The following GRID2 variants were observed in gnomAD, a reference collection of about 807,000 sequenced individuals.
GRID2 encodes the protein glutamate receptor ionotropic, delta-2.
In GRID2, 33 loss-of-function variants were observed where a neutral mutation model predicts 114.8. That is an observed-to-expected ratio of 0.29 (90% CI 0.22 to 0.38). The LOEUF (loss-of-function observed/expected upper bound fraction) is 0.38, where lower values mean the gene tolerates loss of function less well. Ranked by LOEUF, GRID2 falls within the 10% of genes least tolerant of loss-of-function variation. The pLI, the probability that GRID2 is intolerant of heterozygous loss-of-function variation, is 1.00. For synonymous variants in GRID2, 505 were observed against 449.9 expected, an observed-to-expected ratio of 1.12 and a Z score of -1.55; for missense variants, 1,184 against 1,257.7, an observed-to-expected ratio of 0.94 and a Z score of 0.89.
intron 2 of GRID2, chr4:92,821,923 G>A (rs1741311817): frequency 1.9e-5 from 3 of 159,290 alleles, no homozygotes. Context: ...ATTAAAGTAG[G>A]AAGATTTTTT....
At chr4:92,577,796 A>C (rs1271371475) in intron 1 of GRID2, among the ~76,000 whole-genome samples, 3 of 152,164 alleles carry the variant, frequency 2.0e-5, no homozygotes, top group African/African-American at 7.2e-5. Context: ...AGAGTGGAGA[A>C]CAATTAGCAT....
chr4:93,364,436 T>C (rs899202594), intron 8 of GRID2, among the ~76,000 whole-genome samples: 4 of 152,132 alleles, frequency 2.6e-5, no homozygotes, highest in Non-Finnish European at 5.9e-5. Context: ...TCTATTTTCA[T>C]TGACCTATTA....
intron 8 of GRID2, among the ~76,000 whole-genome samples, chr4:93,247,424 A>T (rs970247498): frequency 6.6e-6 from 1 of 152,146 alleles, no homozygotes; most frequent in Non-Finnish European, 1.5e-5. Context: ...ACAAAAAGGC[A>T]GAGAAAGGGT....
At chr4:93,072,783 C>A (rs1728924704) in intron 2 of GRID2, among the ~76,000 whole-genome samples, 1 of 152,048 alleles carries the variant, frequency 6.6e-6, no homozygotes, top group Non-Finnish European at 1.5e-5. Context: ...AGATACTAGT[C>A]TATCATTTAC....
intron 8 of GRID2, among the ~76,000 whole-genome samples, chr4:93,256,973 A>C (rs554607268): frequency 6.6e-6 from 1 of 151,928 alleles, no homozygotes; most frequent in East Asian, 1.9e-4. Flanking sequence ...GTATAGTTTT[A>C]TTAAAGCATC....
intron 8 of GRID2, among the ~76,000 whole-genome samples, chr4:93,382,515 G>A (rs1338983628): frequency 6.6e-6 from 1 of 151,728 alleles, no homozygotes; most frequent in Non-Finnish European, 1.5e-5. Flanking sequence ...ATCTACCTTT[G>A]AAAATCTCTG....
At chr4:93,325,738 A>C (rs1406050891) in intron 8 of GRID2, among the ~76,000 whole-genome samples, 2 of 152,064 alleles carry the variant, frequency 1.3e-5, no homozygotes, top group Non-Finnish European at 2.9e-5. Flanking sequence ...TGTGCTTACT[A>C]TATGATCTTA....
At chr4:93,416,425 C>G (rs529567510) in intron 9 of GRID2, among the ~76,000 whole-genome samples, 2 of 151,996 alleles carry the variant, frequency 1.3e-5, no homozygotes, top group Non-Finnish European at 2.9e-5. Context: ...TTTAAACAAG[C>G]CATTAAGAAA....
At chr4:93,239,938 T>A (rs998401964) in intron 8 of GRID2, among the ~76,000 whole-genome samples, 3 of 151,706 alleles carry the variant, frequency 2.0e-5, no homozygotes, top group African/African-American at 7.2e-5. Flanking sequence ...CTTCTTGTGT[T>A]CAACAGTGTG....
intron 2 of GRID2, among the ~76,000 whole-genome samples, chr4:92,742,490 C>T (rs1157240737): frequency 6.6e-6 from 1 of 151,980 alleles, no homozygotes; most frequent in Non-Finnish European, 1.5e-5. Context: ...TTCTCTTAAT[C>T]TCTATGCATT....
intron 13 of GRID2, among the ~76,000 whole-genome samples, chr4:93,610,989 A>G (rs1740826514): frequency 7.5e-6 from 1 of 132,932 alleles, no homozygotes; most frequent in Admixed American, 7.3e-5. Flanking sequence ...CCACAATTTC[A>G]GAGCCTGTTA....
chr4:93,213,815 C>T lies in GRID2; in HGVS notation c.790-2923C>T, dbSNP rs946229157. ...ATTTTAGCATTCCTTTTTTCTTCCTCGGGGCTTTCACAGTTCAGGATTCAA... is the reference window on the plus strand; with the variant it reads ...ATTTTAGCATTCCTTTTTTCTTCCTTGGGGCTTTCACAGTTCAGGATTCAA... On this transcript the variant is annotated intron_variant, in intron 5 of 15. Coordinates refer to ENST00000282020, the MANE Select transcript of GRID2 (RefSeq NM_001510.4). Among the ~76,000 whole-genome samples the T allele has an allele frequency of 3.3e-5, 5 of 151,824 alleles. 1 individual carries two copies. The highest frequency in any genetic ancestry group is 4.1e-4 in the South Asian group (2 of 4,826).
chr4:92,531,108 T>TA (rs544339478), intron 1 of GRID2, among the ~76,000 whole-genome samples: 1 of 151,914 alleles, frequency 6.6e-6, no homozygotes, highest in African/African-American at 2.4e-5. Flanking sequence ...AAAAATAAAA[T>TA]AAAAAAACTT....
chr4:93,757,219 A>T (rs1417027610), intron 14 of GRID2, among the ~76,000 whole-genome samples: 1 of 152,210 alleles, frequency 6.6e-6, no homozygotes, highest in African/African-American at 2.4e-5. Flanking sequence ...ACATCCAAAA[A>T]AAAGAAAGAA....
intron 14 of GRID2, among the ~76,000 whole-genome samples, chr4:93,651,936 A>G (rs1208891863): frequency 6.6e-6 from 1 of 152,112 alleles, no homozygotes; most frequent in South Asian, 2.1e-4. Context: ...GTTTGGTGTG[A>G]TAGGTGTTTT....
intron 13 of GRID2, among the ~76,000 whole-genome samples, chr4:93,519,998 C>A (rs1222068148): frequency 6.6e-6 from 1 of 151,976 alleles, no homozygotes; most frequent in Admixed American, 6.6e-5. Flanking sequence ...AAATGGAAGC[C>A]AAGGCAAAAG....
chr4:93,051,675 A>C (rs1467638193), intron 2 of GRID2, among the ~76,000 whole-genome samples: 1 of 152,022 alleles, frequency 6.6e-6, no homozygotes, highest in African/African-American at 2.4e-5. Context: ...TTCCTGACTT[A>C]ATGAATCTGG....
At chr4:92,728,853 C>A (rs1348739761) in intron 2 of GRID2, among the ~76,000 whole-genome samples, 1 of 146,010 alleles carries the variant, frequency 6.8e-6, no homozygotes, top group African/African-American at 2.5e-5. Flanking sequence ...GATGAGCATA[C>A]AAAGATATTT....
rs543678597 is a variant in GRID2, at chr4:92,430,427, G to T, written c.88+125683G>T. On this transcript the variant is annotated intron_variant, in intron 1 of 15. Transcript: ENST00000282020. ...GAGTTCACTGTAGATGTATGGATTT[G>T]TTTTGGTTCTTGGTTCTCTATTCTG... is the stretch of plus-strand genomic sequence containing the variant. 3.2e-4 allele frequency among the ~76,000 whole-genome samples: 49 copies of T among 152,152 alleles called. 1 individual carries two copies. The South Asian group carries it at 6.0e-3, about 19-fold the overall frequency.
Sources: allele counts gnomAD v4.1 joint callset (sites outside exome capture counted in the v4.1 genomes callset), GRCh38; gene constraint gnomAD v4.1.1; transcripts MANE v1.5; gene names NCBI Gene and HGNC (gene_info 2026-07-23, HGNC 2026-07-21).